CAMTA1: variants seen among roughly 807,000 people sequenced by gnomAD.
The protein encoded by CAMTA1 is calmodulin-binding transcription activator 1.
A neutral mutation model predicts 170.9 loss-of-function variants in CAMTA1; 27 were observed. That is an observed-to-expected ratio of 0.16 (90% CI 0.12 to 0.22). The LOEUF is 0.22. Ranked by LOEUF, CAMTA1 falls within the 10% of genes least tolerant of loss-of-function variation. The pLI is 1.00. For missense variants in CAMTA1, 1,619 were observed against 2,217.2 expected (o/e 0.73, Z 5.42); for synonymous variants, 833 against 891.5 (o/e 0.93, Z 1.17).
chr1:6,874,556 C>T (rs1421033049), intron 3 of CAMTA1: 1 of 152,186 alleles, frequency 6.6e-6, no homozygotes, highest in Non-Finnish European at 1.5e-5. Context: ...CGAAACCATT[C>T]CCCAGTAGTC....
Position 7,663,466 on chromosome 1 carries a change from G to A in CAMTA1, c.919G>A (p.Asp307Asn). 6.3e-7 allele frequency: 1 copy of A among 1,594,506 alleles called. No individual in the cohort carries two copies. Among genetic ancestry groups the A allele is most frequent in the Non-Finnish European group, 8.6e-7 (1 of 1,166,440 alleles). The change falls in exon 9 of 23, where the codon GAC becomes AAC. Residue 307 changes from aspartate to asparagine, a missense_variant. This residue lies in a region of CAMTA1 where 731 missense variants were observed against 907.6 expected (regional missense o/e 0.81). Transcript: ENST00000303635. ...GAGCCACTCGGAGGTGCAGCACAAT[G>A]ACGTGTCGGAGGGCAAGCACGAGCA... ...YGSHSEVQHN[D>N]VSEGKHEHSH...
intron 3 of CAMTA1, among the ~76,000 whole-genome samples, chr1:7,009,133 G>A (rs992960816): frequency 4.6e-5 from 7 of 152,258 alleles, no homozygotes; most frequent in Non-Finnish European, 1.0e-4. Flanking sequence ...GACAGCAGGG[G>A]CCTTGGCCAT....
At chr1:6,819,206 T>C (rs1055758981) in intron 1 of CAMTA1, among the ~76,000 whole-genome samples, 1 of 152,178 alleles carries the variant, frequency 6.6e-6, no homozygotes, top group Non-Finnish European at 1.5e-5. Flanking sequence ...GTTTATAATG[T>C]AGGATGAATA....
chr1:7,088,881 C>T (rs375726983), intron 3 of CAMTA1, among the ~76,000 whole-genome samples: 64 of 152,332 alleles, frequency 4.2e-4, no homozygotes, highest in African/African-American at 1.4e-3. Context: ...GTACTGACTC[C>T]AGCCGCAGTG....
chr1:7,480,035 A>T lies in CAMTA1; in HGVS notation c.510+12134A>T, dbSNP rs548300548. Among the ~76,000 whole-genome samples the T allele has an allele frequency of 1.7e-3, 250 of 150,586 alleles. 1 individual carries two copies. The highest frequency in any genetic ancestry group is 6.1e-3 in the African/African-American group (247 of 40,816). On this transcript the variant is annotated intron_variant, in intron 6 of 22. Coordinates refer to ENST00000303635, the MANE Select transcript of CAMTA1 (RefSeq NM_015215.4). ...TGTGTATGACTCTGAGTGCATGTGTATGTCCATGTGTGAGTCCGTATGAGT... is the reference window on the plus strand; with the variant it reads ...TGTGTATGACTCTGAGTGCATGTGTTTGTCCATGTGTGAGTCCGTATGAGT...
intron 6 of CAMTA1, among the ~76,000 whole-genome samples, chr1:7,577,672 C>G (rs981763203): frequency 1.3e-5 from 2 of 151,984 alleles, no homozygotes; most frequent in Admixed American, 6.6e-5. Context: ...TTACAGTGGT[C>G]TCATAAGGTT....
intron 5 of CAMTA1, among the ~76,000 whole-genome samples, chr1:7,312,763 A>G (rs570448574): frequency 6.6e-6 from 1 of 151,448 alleles, no homozygotes; most frequent in Admixed American, 6.6e-5. Context: ...TTATTTATTT[A>G]TTTTTTCCAC....
At chr1:6,980,046 A>G (rs932659193) in intron 3 of CAMTA1, among the ~76,000 whole-genome samples, 2 of 152,120 alleles carry the variant, frequency 1.3e-5, no homozygotes, top group African/African-American at 2.4e-5. Flanking sequence ...AAATCTCACT[A>G]TTGAGACCTT....
At chr1:7,537,583 G>A (rs1174789374) in intron 6 of CAMTA1, among the ~76,000 whole-genome samples, 1 of 152,202 alleles carries the variant, frequency 6.6e-6, no homozygotes, top group Non-Finnish European at 1.5e-5. Flanking sequence ...GGGGACGCTG[G>A]TCCTCAAGGC....
intron 3 of CAMTA1, among the ~76,000 whole-genome samples, chr1:7,005,495 A>G (rs2100693855): frequency 6.6e-6 from 1 of 152,184 alleles, no homozygotes; most frequent in East Asian, 1.9e-4. Flanking sequence ...TTTCCCTTTC[A>G]AGAAATACTT....
chr1:7,373,003 T>C (rs1295745470), intron 5 of CAMTA1, among the ~76,000 whole-genome samples: 2 of 152,208 alleles, frequency 1.3e-5, no homozygotes, highest in African/African-American at 2.4e-5. Flanking sequence ...GGTGTCACCG[T>C]AGAAGCTCCA....
At chr1:7,744,703 C>A in intron 16 of CAMTA1, 132 bp from the exon 17 acceptor site, 1 of 673,100 alleles carries the variant, frequency 1.5e-6, no homozygotes, top group Non-Finnish European at 2.6e-6. Context: ...TATTTCATTG[C>A]ATTGGATTGA....
At chr1:7,358,512 C>T (rs964885105) in intron 5 of CAMTA1, among the ~76,000 whole-genome samples, 1 of 151,650 alleles carries the variant, frequency 6.6e-6, no homozygotes, top group African/African-American at 2.4e-5. Context: ...GGTGCGGAGC[C>T]TCCCTTCCTC....
At chr1:7,308,061 G>GT (rs146072499) in intron 5 of CAMTA1, among the ~76,000 whole-genome samples, 9,464 of 150,222 alleles carry the variant, frequency 0.063, 1,021 homozygotes, top group African/African-American at 0.22. Context: ...GGTTGTTGTT[G>GT]TTTTTTTTTA....
intron 5 of CAMTA1, among the ~76,000 whole-genome samples, chr1:7,277,773 AC>A (rs921992729): frequency 1.8e-5 from 1 of 56,800 alleles, no homozygotes; most frequent in Non-Finnish European, 4.2e-5. Flanking sequence ...ACATACACAC[AC>A]TTTTTTTTTT....
chr1:7,068,318 A>C (rs1572821223), intron 3 of CAMTA1, among the ~76,000 whole-genome samples: 1 of 147,046 alleles, frequency 6.8e-6, no homozygotes, highest in African/African-American at 2.5e-5. Flanking sequence ...TTCCTCTTCC[A>C]CCGCCTCTCT....
chr1:7,117,330 A>G (rs1353595133), intron 4 of CAMTA1, among the ~76,000 whole-genome samples: 1 of 152,164 alleles, frequency 6.6e-6, no homozygotes, highest in Non-Finnish European at 1.5e-5. Flanking sequence ...AATTACAATA[A>G]AGAGTACAGC....
intron 5 of CAMTA1, among the ~76,000 whole-genome samples, chr1:7,387,578 C>T (rs2088154160): frequency 6.6e-6 from 1 of 152,174 alleles, no homozygotes; most frequent in Non-Finnish European, 1.5e-5. Flanking sequence ...AGCCCAGGTG[C>T]CTCCTGGGGC....
rs1663348292 is a variant in CAMTA1 at position 7,234,036 on chromosome 1, TG to T, written c.303-15453del. On this transcript the variant is annotated intron_variant, in intron 4 of 22. Transcript: ENST00000303635. The surrounding 1 kb of genome is among the most constrained non-coding windows in gnomAD (Gnocchi z 5.0). ...TTTTATGCTACATTTGTATTAAGAT[TG>T]GAGTCCTCGCTTTTCCTTCATCGCT... Among the ~76,000 whole-genome samples, 1 of 152,214 alleles carries T rather than the reference TG, an allele frequency of 6.6e-6. No homozygotes were observed. The highest frequency in any genetic ancestry group is 2.4e-5 in the African/African-American group (1 of 41,460).
Sources: allele counts gnomAD v4.1 joint callset (sites outside exome capture counted in the v4.1 genomes callset), GRCh38; gene constraint gnomAD v4.1.1; regional missense constraint gnomAD v4.1.1; non-coding constraint Gnocchi (gnomAD v3.1); transcripts MANE v1.5; gene names NCBI Gene and HGNC (gene_info 2026-07-23, HGNC 2026-07-21).